Variants in INPP4B observed in about 807,000 individuals in gnomAD.
The protein encoded by INPP4B is inositol polyphosphate 4-phosphatase type II.
INPP4B carries 55 observed loss-of-function variants against 122.5 expected under a neutral mutation model. The observed-to-expected ratio is 0.45, with a 90% CI of 0.36 to 0.56. INPP4B has a LOEUF of 0.56. Ranked by LOEUF, INPP4B falls within the 20% of genes least tolerant of loss-of-function variation. The probability of loss-of-function intolerance (pLI) is 0.00; values close to 1 mark genes in which losing one functional copy is unlikely to be tolerated. For missense variants in INPP4B, 1,000 were observed against 1,097.7 expected (o/e 0.91, Z 1.26); for synonymous variants, 403 against 388.7 (o/e 1.04, Z -0.43).
chr4:142,130,941 T>C (rs941357748), intron 18 of INPP4B, among the ~76,000 whole-genome samples: 4 of 152,188 alleles, frequency 2.6e-5, no homozygotes, highest in Non-Finnish European at 5.9e-5. Flanking sequence ...ATGCAACAAC[T>C]GATATCCTGG....
At chr4:142,826,748 C>G (rs1781512612) in intron 1 of INPP4B, among the ~76,000 whole-genome samples, 1 of 152,106 alleles carries the variant, frequency 6.6e-6, no homozygotes, top group Non-Finnish European at 1.5e-5. Flanking sequence ...GCTCTCTCCA[C>G]TTTGGTCTTC....
In INPP4B at chr4:142,511,813, A is replaced by G. The variant is rs377593595; in HGVS notation, c.-190-49087T>C. Among the ~76,000 whole-genome samples, 21 of 152,296 alleles carry G rather than the reference A, an allele frequency of 1.4e-4. No individual in the cohort carries two copies. In the East Asian group the frequency reaches 3.9e-3, roughly 28 times the overall value. Reference sequence around the variant, plus strand: ...AGGATAGAGTTAAAAGAATATTTGCATATATTTTCATAACTGATGGCTACA... The same window carrying G: ...AGGATAGAGTTAAAAGAATATTTGCGTATATTTTCATAACTGATGGCTACA... On this transcript the variant is annotated intron_variant, in intron 2 of 25. Coordinates refer to ENST00000262992, the MANE Select transcript of INPP4B (RefSeq NM_001101669.3).
intron 8 of INPP4B, among the ~76,000 whole-genome samples, chr4:142,307,305 A>G (rs1272455449): frequency 6.6e-6 from 1 of 151,490 alleles, no homozygotes. Context: ...CCACATACAC[A>G]CTCCTCTATT....
At chr4:142,308,570 T>C (rs1454148333) in intron 8 of INPP4B, among the ~76,000 whole-genome samples, 1 of 152,124 alleles carries the variant, frequency 6.6e-6, no homozygotes, top group Non-Finnish European at 1.5e-5. Context: ...AATAAATCTT[T>C]TATCTATGTG....
In INPP4B at chr4:142,725,834, A is replaced by G. The variant is rs556365410; in HGVS notation, c.-191+5T>C. On this transcript the variant is annotated splice_donor_5th_base_variant and intron_variant, in intron 2 of 25. Coordinates refer to ENST00000262992, the MANE Select transcript of INPP4B (RefSeq NM_001101669.3). ...GAAAAAATATCAATTCAAAATAAGC[A>G]TTACCTTTGTCTAATTTTTCATAAA... The G allele has an allele frequency of 1.3e-5, 5 of 397,994 alleles. No individual in the cohort carries two copies. Among genetic ancestry groups the G allele is most frequent in the Admixed American group, 8.8e-5 (2 of 22,724 alleles). 24.7% of individuals were successfully genotyped at this position (397,994 alleles called of 1,614,324 possible). A position where few individuals can be genotyped will look rare whatever the true frequency, so the allele number is the denominator to read the frequency against.
At chr4:142,107,509 G>A (rs1369756255) in intron 23 of INPP4B, among the ~76,000 whole-genome samples, 1 of 152,252 alleles carries the variant, frequency 6.6e-6, no homozygotes, top group African/African-American at 2.4e-5. Context: ...ATGGGGAAAA[G>A]AAATGTAGAA....
chr4:142,085,465 G>A (rs1250230424), intron 24 of INPP4B, among the ~76,000 whole-genome samples: 3 of 152,136 alleles, frequency 2.0e-5, no homozygotes, highest in Admixed American at 1.3e-4. Flanking sequence ...GGGTCTGAAT[G>A]TTTAACACAA....
chr4:142,481,473 GGGAA>G (rs1163399865), intron 2 of INPP4B, among the ~76,000 whole-genome samples: 2 of 152,018 alleles, frequency 1.3e-5, no homozygotes, highest in Non-Finnish European at 2.9e-5. Context: ...GAGAAATTGA[GGGAA>G]GGAACATTTA....
intron 18 of INPP4B, among the ~76,000 whole-genome samples, chr4:142,133,457 A>G (rs2152798971): frequency 6.6e-6 from 1 of 152,274 alleles, no homozygotes; most frequent in Admixed American, 6.5e-5. Flanking sequence ...CCTCACCTTG[A>G]CAACTGTATT....
chr4:142,389,619 T>C (rs1554047080), intron 7 of INPP4B, among the ~76,000 whole-genome samples: 1 of 152,188 alleles, frequency 6.6e-6, no homozygotes, highest in Non-Finnish European at 1.5e-5. Context: ...TTTGGAGCCT[T>C]AGAGTCTAGA....
intron 3 of INPP4B, among the ~76,000 whole-genome samples, chr4:142,443,140 G>T (rs1190171477): frequency 6.6e-6 from 1 of 152,068 alleles, no homozygotes; most frequent in East Asian, 1.9e-4. Flanking sequence ...CAAAAAACCT[G>T]GTAATAAGAA....
intron 11 of INPP4B, among the ~76,000 whole-genome samples, chr4:142,244,607 T>C (rs1389544246): frequency 6.6e-6 from 1 of 152,136 alleles, no homozygotes; most frequent in East Asian, 1.9e-4. Flanking sequence ...CCAGCCCACA[T>C]TTTCTTCATC....
At chr4:142,622,959 G>T (rs1745299144) in intron 2 of INPP4B, among the ~76,000 whole-genome samples, 1 of 151,900 alleles carries the variant, frequency 6.6e-6, no homozygotes, top group African/African-American at 2.4e-5. Context: ...TTAAGCCAAT[G>T]GGAATAAATT....
chr4:142,625,763 T>C (rs1019467133), intron 2 of INPP4B, among the ~76,000 whole-genome samples: 5 of 152,148 alleles, frequency 3.3e-5, no homozygotes, highest in East Asian at 1.9e-4. Context: ...CAAAACAGCA[T>C]GGTACTGGTA....
chr4:142,158,696 A>G (rs557807540), intron 17 of INPP4B, among the ~76,000 whole-genome samples: 1 of 152,178 alleles, frequency 6.6e-6, no homozygotes, highest in African/African-American at 2.4e-5. Flanking sequence ...ATCTAACATT[A>G]CTTACCTTCC....
chr4:142,412,628 T>G (rs1231634657), intron 5 of INPP4B, among the ~76,000 whole-genome samples: 1 of 152,214 alleles, frequency 6.6e-6, no homozygotes, highest in Non-Finnish European at 1.5e-5. Flanking sequence ...TATGTCTCTA[T>G]ATCATGCTGA....
intron 18 of INPP4B, among the ~76,000 whole-genome samples, chr4:142,125,100 C>T (rs1377406645): frequency 6.6e-6 from 1 of 152,072 alleles, no homozygotes; most frequent in Admixed American, 6.6e-5. Flanking sequence ...ACTGGACTTC[C>T]TCTTTTGCAG....
intron 2 of INPP4B, among the ~76,000 whole-genome samples, chr4:142,574,400 G>A (rs1307963412): frequency 2.0e-5 from 3 of 152,018 alleles, no homozygotes; most frequent in Non-Finnish European, 2.9e-5. Flanking sequence ...GCCACAGACC[G>A]TAATGGTCTC....
intron 2 of INPP4B, among the ~76,000 whole-genome samples, chr4:142,630,637 T>C (rs1470478368): frequency 1.3e-5 from 2 of 152,094 alleles, no homozygotes; most frequent in East Asian, 1.9e-4. Context: ...AGTGAATAAT[T>C]ACCAGGTCAG....
Sources: gnomAD v4.1 joint callset for allele counts (sites outside exome capture counted in the v4.1 genomes callset) on GRCh38, gnomAD v4.1.1 for gene constraint, MANE v1.5 for transcripts, NCBI Gene and HGNC (gene_info 2026-07-23, HGNC 2026-07-21) for gene names.